COL27A1: variants seen among roughly 807,000 people sequenced by gnomAD.
COL27A1 encodes the protein collagen alpha-1(XXVII) chain.
COL27A1 carries 106 observed loss-of-function variants against 251.3 expected under a neutral mutation model. That is an observed-to-expected ratio of 0.42 (90% confidence interval 0.36 to 0.50). COL27A1 has a LOEUF of 0.50. Among genes scored for constraint, COL27A1 ranks in the 20% least tolerant of loss-of-function variants. COL27A1 has a pLI of 0.00. For synonymous variants in COL27A1, 1,000 were observed against 986.3 expected (o/e 1.01, Z -0.26); for missense variants, 2,325 against 2,522.8 (o/e 0.92, Z 1.68).
intron 4 of COL27A1, among the ~76,000 whole-genome samples, chr9:114,179,626 G>A (rs1827733299): frequency 6.6e-6 from 1 of 152,128 alleles, no homozygotes. Flanking sequence ...AGCTCTCATT[G>A]ACCACTAAAC....
At chr9:114,249,728 G>A (rs367709752) in intron 24 of COL27A1, among the ~76,000 whole-genome samples, 24 of 152,256 alleles carry the variant, frequency 1.6e-4, no homozygotes, top group African/African-American at 5.5e-4. Context: ...GCCAGGGTTT[G>A]GGGGACAGGG....
At chr9:114,196,187 G>A (rs1829111038) in intron 7 of COL27A1, among the ~76,000 whole-genome samples, 175 bp downstream of exon 7, 1 of 152,216 alleles carries the variant, frequency 6.6e-6, no homozygotes, top group South Asian at 2.1e-4. Context: ...CCTGTTGAGG[G>A]CAGGGAATAC....
intron 14 of COL27A1, 88 bp from the exon 15 acceptor site, chr9:114,230,991 C>T: frequency 8.9e-7 from 1 of 1,121,776 alleles, no homozygotes; most frequent in East Asian, 2.4e-5. Flanking sequence ...AGCCCAGGCC[C>T]AGGGACCTTG....
chr9:114,210,279 G>A (rs917198526), intron 11 of COL27A1, among the ~76,000 whole-genome samples: 1 of 152,232 alleles, frequency 6.6e-6, no homozygotes, highest in African/African-American at 2.4e-5. Flanking sequence ...TTGAGTAGGT[G>A]TGACAGAGAC....
In COL27A1 at chr9:114,276,596, C is replaced by T. The variant is rs76915115; in HGVS notation, c.3717+828C>T. Among the ~76,000 whole-genome samples, 121 of 152,326 alleles carry T rather than the reference C, an allele frequency of 7.9e-4. 1 individual carries two copies. In the East Asian group the frequency reaches 0.022, roughly 27 times the overall value. ...CTCCAGCCTGGGCAACAGAACAAGA[C>T]TTTGTCACAAAAAAACAAACAAACA... On this transcript the variant is annotated intron_variant, in intron 37 of 60. Coordinates refer to ENST00000356083, the MANE Select transcript of COL27A1 (RefSeq NM_032888.4).
At chr9:114,296,295 A>G (rs1303192061) in intron 49 of COL27A1, among the ~76,000 whole-genome samples, 1 of 152,250 alleles carries the variant, frequency 6.6e-6, no homozygotes, top group Non-Finnish European at 1.5e-5. Context: ...AAATATTTCT[A>G]AATCATGTAT....
intron 14 of COL27A1, among the ~76,000 whole-genome samples, chr9:114,223,063 C>T (rs903007684): frequency 9.2e-5 from 14 of 152,116 alleles, no homozygotes; most frequent in African/African-American, 2.4e-4. Context: ...GTGTAGGCCT[C>T]GAGGAGTGGT....
At chr9:114,255,100 C>G in intron 27 of COL27A1, among the ~76,000 whole-genome samples, 1 of 152,206 alleles carries the variant, frequency 6.6e-6, no homozygotes, top group East Asian at 1.9e-4. Context: ...CAGAAGCCAG[C>G]ACTCTGGGCT....
chr9:114,283,581 C>T, intron 39 of COL27A1, 128 bp from the exon 40 acceptor site: 1 of 786,818 alleles, frequency 1.3e-6, no homozygotes, highest in East Asian at 2.5e-5. Context: ...TGTTCACACA[C>T]TTTGGTTATG....
chr9:114,234,081 G>A lies in COL27A1; in HGVS notation c.2566-1518G>A, dbSNP rs769344535. Among the ~76,000 whole-genome samples the A allele has an allele frequency of 2.0e-5, 3 of 152,156 alleles. No homozygotes were observed. In the South Asian group the frequency reaches 6.2e-4, roughly 32 times the overall value. On this transcript the variant is annotated intron_variant, in intron 16 of 60. Transcript: ENST00000356083. ...TCTCTCAGCCTGGAGAAGCATTCTG[G>A]AAGCAAAGCTCCTGCTCCGAGCCCA...
intron 5 of COL27A1, among the ~76,000 whole-genome samples, chr9:114,183,365 G>A (rs1472816637): frequency 6.6e-6 from 1 of 152,204 alleles, no homozygotes; most frequent in Non-Finnish European, 1.5e-5. Context: ...GGCTGGCCTT[G>A]AATGTCAGAC....
rs1254266888 is a variant in COL27A1 at position 114,275,593 on chromosome 9, G to A, written c.3610-68G>A. On this transcript the variant is annotated intron_variant, in intron 36 of 60. Coordinates refer to ENST00000356083, the MANE Select transcript of COL27A1 (RefSeq NM_032888.4). ...GCCTGAATGGAGCCCTGAGATTTGG[G>A]GCCTCTGATGCACTTGGCAACTAAC... The A allele has an allele frequency of 4.8e-6, 5 of 1,045,450 alleles. No homozygotes were observed. The South Asian group carries it at 7.6e-5, about 16-fold the overall frequency. The allele number at this position is 1,045,450 out of a possible 1,614,324, so 64.8% of individuals were successfully genotyped here. A position where few individuals can be genotyped will look rare whatever the true frequency, so the allele number is the denominator to read the frequency against.
At chr9:114,306,478 C>G in intron 57 of COL27A1, 42 bp from the exon 58 acceptor site, 1 of 1,604,624 alleles carries the variant, frequency 6.2e-7, no homozygotes, top group East Asian at 2.2e-5. Flanking sequence ...CAGGCTGGAC[C>G]AGGACCCTAA....
chr9:114,260,785 G>T (rs1255556642), intron 28 of COL27A1, among the ~76,000 whole-genome samples: 1 of 152,184 alleles, frequency 6.6e-6, no homozygotes, highest in African/African-American at 2.4e-5. Flanking sequence ...GCAAGTCTCA[G>T]CACCCCCGGT....
rs575894102 is a variant in COL27A1 at position 114,173,318 on chromosome 9, G to A, written c.1908+3855G>A. Reference sequence around the variant, plus strand: ...CTCGGGAAGACGCCGCTAAGGGCCTGGCCCACACCACGTGCTCTGTGACTA... The same window carrying A: ...CTCGGGAAGACGCCGCTAAGGGCCTAGCCCACACCACGTGCTCTGTGACTA... On this transcript the variant is annotated intron_variant, in intron 3 of 60. Transcript: ENST00000356083. Among the ~76,000 whole-genome samples the A allele has an allele frequency of 3.3e-5, 5 of 152,366 alleles. No individual in the cohort carries two copies. In the East Asian group the frequency reaches 9.6e-4, roughly 29 times the overall value.
intron 1 of COL27A1, among the ~76,000 whole-genome samples, chr9:114,160,354 G>A (rs946128755): frequency 3.3e-5 from 5 of 151,906 alleles, no homozygotes; most frequent in East Asian, 1.9e-4. Context: ...ATGGGGTTTC[G>A]CTGTGTTAGC....
At position 114,300,124 on chromosome 9, in the gene COL27A1, G is replaced by T. The variant is rs1274443445; in HGVS notation, c.4638+1G>T. On this transcript the variant is annotated splice_donor_variant, in intron 50 of 60. Transcript: ENST00000356083. LOFTEE classifies it high-confidence loss of function. ...AATGGCAGGTCTCTTCGGACCCAAG[G>T]TATGGACTCCCACGGCTCACTGTTC... The T allele has an allele frequency of 6.2e-7, 1 of 1,614,034 alleles. No individual in the cohort carries two copies. Among genetic ancestry groups the T allele is most frequent in the South Asian group, 1.1e-5 (1 of 91,076 alleles).
rs556729579 is a variant in COL27A1, at chr9:114,294,485, A to G, written c.4584+2275A>G. On this transcript the variant is annotated intron_variant, in intron 49 of 60. Transcript: ENST00000356083. ...GAACCTAAGAATATATAATAAGGAT[A>G]ATACATCAAGACCAAGTGGAGTTTA... 3.9e-5 allele frequency among the ~76,000 whole-genome samples: 6 copies of G among 152,236 alleles called. No individual in the cohort carries two copies. The South Asian group carries it at 1.2e-3, about 31-fold the overall frequency.
At chr9:114,162,850 G>A in intron 2 of COL27A1, 65 bp downstream of exon 2, 1 of 1,193,604 alleles carries the variant, frequency 8.4e-7, no homozygotes, top group Non-Finnish European at 1.2e-6. Context: ...GAGAACTCAG[G>A]GGTAGGAGAC....
Sources: gnomAD v4.1 joint callset for allele counts (sites outside exome capture counted in the v4.1 genomes callset) on GRCh38, gnomAD v4.1.1 for gene constraint, MANE v1.5 for transcripts, NCBI Gene and HGNC (gene_info 2026-07-23, HGNC 2026-07-21) for gene names.